The following PLCL1 variants were observed in gnomAD, a reference collection of about 807,000 sequenced individuals.
PLCL1 encodes phospholipase C like 1 (inactive).
PLCL1 carries 41 observed loss-of-function variants against 84.4 expected under a neutral mutation model. The ratio of observed to expected loss-of-function variants is 0.49; its 90% confidence interval spans 0.38 to 0.63. The LOEUF (loss-of-function observed/expected upper bound fraction) is 0.63, where lower values mean the gene tolerates loss of function less well. Among genes scored for constraint, PLCL1 ranks in the 30% least tolerant of loss-of-function variants. PLCL1 has a pLI of 0.00. For synonymous variants in PLCL1, 490 were observed against 488.3 expected, an observed-to-expected ratio of 1.00 and a Z score of -0.05; for missense variants, 1,206 against 1,367.8, an observed-to-expected ratio of 0.88 and a Z score of 1.87.
chr2:198,067,508 T>A (rs887663870), intron 1 of PLCL1, among the ~76,000 whole-genome samples: 1 of 152,188 alleles, frequency 6.6e-6, no homozygotes, highest in African/African-American at 2.4e-5. Flanking sequence ...AAGTAACAGT[T>A]CTTTTTTTTC....
At position 198,098,601 on chromosome 2, in the gene PLCL1, A is replaced by G. The variant is rs143938992; in HGVS notation, c.2920-2684A>G. ...TATAAAATGTGGTTGTCCATGATAGACTGTCTTTAAGATAACTTCTAAGTA... is the reference window on the plus strand; with the variant it reads ...TATAAAATGTGGTTGTCCATGATAGGCTGTCTTTAAGATAACTTCTAAGTA... On this transcript the variant is annotated intron_variant, in intron 3 of 5. Transcript: ENST00000428675. Among the ~76,000 whole-genome samples, 176 of 152,296 alleles carry G rather than the reference A, an allele frequency of 1.2e-3. 1 individual carries two copies. The Middle Eastern group carries it at 0.017, about 15-fold the overall frequency.
chr2:197,972,250 G>A (rs1689884966), intron 1 of PLCL1, among the ~76,000 whole-genome samples: 1 of 152,222 alleles, frequency 6.6e-6, no homozygotes, highest in South Asian at 2.1e-4. Flanking sequence ...GGCAAGTACA[G>A]GGTTTGTTTT....
intron 1 of PLCL1, among the ~76,000 whole-genome samples, chr2:198,039,454 G>T (rs1410457807): frequency 6.6e-6 from 1 of 152,086 alleles, no homozygotes; most frequent in East Asian, 1.9e-4. Context: ...CTTAGGATTT[G>T]TTTGTTACTG....
At chr2:198,139,947 T>TC (rs1300336808) in intron 5 of PLCL1, among the ~76,000 whole-genome samples, 2 of 151,762 alleles carry the variant, frequency 1.3e-5, no homozygotes, top group African/African-American at 2.4e-5. Flanking sequence ...TTTTTTTTTT[T>TC]CCCCGAGATG....
At chr2:198,143,102 G>A (rs1485681839) in intron 5 of PLCL1, among the ~76,000 whole-genome samples, 2 of 152,172 alleles carry the variant, frequency 1.3e-5, no homozygotes, top group East Asian at 1.9e-4. Context: ...GACTTGTTAG[G>A]TTACTCTTTA....
intron 1 of PLCL1, among the ~76,000 whole-genome samples, chr2:198,024,411 G>GAA (rs11450711): frequency 6.6e-6 from 1 of 151,378 alleles, no homozygotes; most frequent in Admixed American, 6.6e-5. Flanking sequence ...TTAAAAAAAG[G>GAA]AAAAAAAAGC....
chr2:198,109,986 G>T (rs1352723103), intron 5 of PLCL1, among the ~76,000 whole-genome samples: 1 of 151,598 alleles, frequency 6.6e-6, no homozygotes, highest in Admixed American at 6.6e-5. Flanking sequence ...AAACTATGAA[G>T]TAGGTAATCA....
In PLCL1 at chr2:198,086,135, C is replaced by G. The variant is rs199848125; in HGVS notation, c.2618C>G (p.Thr873Ser). Residue 873 changes from threonine to serine, a missense_variant, in exon 2 of 6, where the codon ACC becomes AGC. Physicochemically the swap from Thr to Ser is moderately conservative, Grantham distance 58. Coordinates refer to ENST00000428675, the MANE Select transcript of PLCL1 (RefSeq NM_006226.4). ...ATGGGGAAGAAAGTTCGGGAATATA[C>G]CATGCTCAGGAATATCGGTCTTAAA... ...VRMGKKVREY[T>S]MLRNIGLKTI... The G allele has an allele frequency of 1.3e-4, 216 of 1,613,424 alleles. No individual in the cohort carries two copies. Among genetic ancestry groups the G allele is most frequent in the Non-Finnish European group, 1.8e-4 (207 of 1,179,594 alleles).
chr2:198,067,383 C>G (rs1692347480), intron 1 of PLCL1, among the ~76,000 whole-genome samples: 1 of 152,168 alleles, frequency 6.6e-6, no homozygotes, highest in African/African-American at 2.4e-5. Flanking sequence ...CCGCCTCGGC[C>G]TCCCAAAGTG....
At chr2:197,812,826 A>C (rs1399367152) in intron 1 of PLCL1, among the ~76,000 whole-genome samples, 1 of 152,206 alleles carries the variant, frequency 6.6e-6, no homozygotes, top group East Asian at 1.9e-4. Flanking sequence ...AAAAAGAGAC[A>C]AAAGAACACT....
chr2:197,856,120 G>A (rs982444748), intron 1 of PLCL1, among the ~76,000 whole-genome samples: 1 of 152,132 alleles, frequency 6.6e-6, no homozygotes, highest in Non-Finnish European at 1.5e-5. Flanking sequence ...TGAGTTACTT[G>A]TCTTGCTGTG....
intron 1 of PLCL1, among the ~76,000 whole-genome samples, chr2:197,987,542 G>T (rs1480627499): frequency 6.6e-6 from 1 of 152,142 alleles, no homozygotes; most frequent in Non-Finnish European, 1.5e-5. Flanking sequence ...TGTGATCCCT[G>T]ATCTAGACTA....
At chr2:197,893,878 A>C (rs1021827975) in intron 1 of PLCL1, among the ~76,000 whole-genome samples, 4 of 151,942 alleles carry the variant, frequency 2.6e-5, no homozygotes, top group African/African-American at 9.7e-5. Context: ...GCTAGTGCTG[A>C]TTCTGCTGTT....
intron 1 of PLCL1, among the ~76,000 whole-genome samples, chr2:197,915,745 AT>A (rs959624645): frequency 6.6e-6 from 1 of 152,126 alleles, no homozygotes; most frequent in African/African-American, 2.4e-5. Context: ...TTTGTGTGTG[AT>A]AAGGTGATGA....
chr2:197,833,652 A>T (rs539951563), intron 1 of PLCL1, among the ~76,000 whole-genome samples: 9 of 152,320 alleles, frequency 5.9e-5, no homozygotes, highest in African/African-American at 1.9e-4. Flanking sequence ...GGAGGACTAC[A>T]AGGAAATAAG....
At chr2:197,848,425 A>G (rs1258797352) in intron 1 of PLCL1, among the ~76,000 whole-genome samples, 1 of 152,176 alleles carries the variant, frequency 6.6e-6, no homozygotes, top group African/African-American at 2.4e-5. Context: ...AGAAATAAAG[A>G]TAGCTTTTTC....
chr2:197,996,533 A>C (rs1383725895), intron 1 of PLCL1, among the ~76,000 whole-genome samples: 1 of 152,136 alleles, frequency 6.6e-6, no homozygotes, highest in Non-Finnish European at 1.5e-5. Context: ...GAAATTGTGC[A>C]GTGTGGGGAG....
chr2:198,077,036 T>A (rs1259217269), intron 1 of PLCL1, among the ~76,000 whole-genome samples: 1 of 152,208 alleles, frequency 6.6e-6, no homozygotes, highest in Non-Finnish European at 1.5e-5. Flanking sequence ...GAGCCAACAT[T>A]TTTGAGGATA....
At position 198,135,737 on chromosome 2, in the gene PLCL1, G is replaced by C. The variant is rs1321113127; in HGVS notation, c.3106-11043G>C. On this transcript the variant is annotated intron_variant, in intron 5 of 5. Coordinates refer to ENST00000428675, the MANE Select transcript of PLCL1 (RefSeq NM_006226.4). Reference sequence around the variant, plus strand: ...GCACCCCCGTAGGAACCTATCTTATGGTATCTTCAGAAATAAAACAGGTCT... The same window carrying C: ...GCACCCCCGTAGGAACCTATCTTATCGTATCTTCAGAAATAAAACAGGTCT... Among the ~76,000 whole-genome samples the C allele has an allele frequency of 3.3e-5, 5 of 152,254 alleles. No individual in the cohort carries two copies. In the South Asian group the frequency reaches 6.2e-4, roughly 19 times the overall value.
Sources: gnomAD v4.1 joint callset for allele counts (sites outside exome capture counted in the v4.1 genomes callset) on GRCh38, gnomAD v4.1.1 for gene constraint, MANE v1.5 for transcripts, NCBI Gene and HGNC (gene_info 2026-07-23, HGNC 2026-07-21) for gene names.